MARCHF1: variants seen among roughly 807,000 people sequenced by gnomAD.
MARCHF1 encodes membrane associated ring-CH-type finger 1, also known as E3 ubiquitin-protein ligase MARCHF1.
MARCHF1 carries 40 observed loss-of-function variants against 54.2 expected under a neutral mutation model. That is an observed-to-expected ratio of 0.74 (90% CI 0.57 to 0.96). The LOEUF (loss-of-function observed/expected upper bound fraction) is 0.96, where lower values mean the gene tolerates loss of function less well. Among genes scored for constraint, MARCHF1 ranks in the 40% least tolerant of loss-of-function variants. The pLI is 0.00. For missense variants in MARCHF1, 586 were observed against 656.5 expected (o/e 0.89, Z 1.17); for synonymous variants, 236 against 236.3 (o/e 1.00, Z 0.01).
At chr4:164,134,983 C>G (rs1325176986) in intron 1 of MARCHF1, among the ~76,000 whole-genome samples, 1 of 152,134 alleles carries the variant, frequency 6.6e-6, no homozygotes. Context: ...ATGATACTTC[C>G]TTCACATTTT....
chr4:164,242,147 G>C (rs2111213498), intron 1 of MARCHF1, among the ~76,000 whole-genome samples: 1 of 151,670 alleles, frequency 6.6e-6, no homozygotes, highest in African/African-American at 2.4e-5. Flanking sequence ...AGGCCTGCCT[G>C]CCTCTGTAGG....
intron 2 of MARCHF1, among the ~76,000 whole-genome samples, chr4:164,096,945 G>T (rs1755427870): frequency 6.6e-6 from 1 of 152,058 alleles, no homozygotes. Flanking sequence ...AGCCTTTACA[G>T]CAAGGAGGAA....
In MARCHF1 at chr4:164,034,076, TAG is replaced by T. The variant is rs1560871911; in HGVS notation, c.-247-45369_-247-45368del. On this transcript the variant is annotated intron_variant, in intron 2 of 9. Transcript: ENST00000514618. ...AAAGAAAATGTGATAGACAGATAGA[TAG>T]ATAGATAGATAGATAGATAGATAGA... Among the ~76,000 whole-genome samples the T allele has an allele frequency of 2.7e-3, 165 of 60,658 alleles. 1 individual carries two copies. Among genetic ancestry groups the T allele is most frequent in the African/African-American group, 0.015 (162 of 10,748 alleles). The allele number at this position is 60,658 out of a possible 152,430, so 39.8% of individuals were successfully genotyped here.
intron 1 of MARCHF1, among the ~76,000 whole-genome samples, chr4:164,143,477 G>T (rs1314457018): frequency 2.7e-5 from 4 of 150,874 alleles, no homozygotes; most frequent in Non-Finnish European, 5.9e-5. Context: ...AGATCTCTCG[G>T]CAGAAACTCT....
intron 8 of MARCHF1, among the ~76,000 whole-genome samples, chr4:163,576,229 A>G (rs955366905): frequency 6.6e-6 from 1 of 151,868 alleles, no homozygotes; most frequent in East Asian, 1.9e-4. Flanking sequence ...AGAGATCAAG[A>G]TATTTTGTGT....
At chr4:163,537,778 T>G (rs1311145177) in intron 9 of MARCHF1, among the ~76,000 whole-genome samples, 3 of 152,356 alleles carry the variant, frequency 2.0e-5, no homozygotes, top group Non-Finnish European at 4.4e-5. Flanking sequence ...TTTAATTGAT[T>G]CATTCACATT....
At chr4:163,666,544 T>C (rs373450096) in intron 5 of MARCHF1, among the ~76,000 whole-genome samples, 12 of 152,254 alleles carry the variant, frequency 7.9e-5, no homozygotes, top group African/African-American at 1.7e-4. Context: ...TCCATAAATA[T>C]AAAACAACCA....
At chr4:163,897,237 T>C (rs1414693837) in intron 3 of MARCHF1, among the ~76,000 whole-genome samples, 1 of 152,194 alleles carries the variant, frequency 6.6e-6, no homozygotes, top group East Asian at 1.9e-4. Context: ...ACCTCAAATA[T>C]CTGATGTCAA....
At chr4:164,199,681 C>CAG (rs70952609) in intron 1 of MARCHF1, among the ~76,000 whole-genome samples, 786 of 47,606 alleles carry the variant, frequency 0.017, 13 homozygotes, top group East Asian at 0.04. Context: ...CACACACACA[C>CAG]AGAGAGAGAG....
intron 3 of MARCHF1, among the ~76,000 whole-genome samples, chr4:163,891,622 C>G (rs1403743944): frequency 6.6e-6 from 1 of 152,076 alleles, no homozygotes; most frequent in Non-Finnish European, 1.5e-5. Flanking sequence ...TGATGCATTC[C>G]CATCATAGAC....
At chr4:164,052,381 A>C (rs1754392371) in intron 2 of MARCHF1, among the ~76,000 whole-genome samples, 1 of 152,018 alleles carries the variant, frequency 6.6e-6, no homozygotes, top group Non-Finnish European at 1.5e-5. Flanking sequence ...AAAATACAAA[A>C]ATTAGCTGGG....
chr4:163,887,811 C>A (rs1161615835), intron 3 of MARCHF1, among the ~76,000 whole-genome samples: 1 of 152,074 alleles, frequency 6.6e-6, no homozygotes, highest in Non-Finnish European at 1.5e-5. Context: ...TAGTGAGACT[C>A]CAAATTTTAT....
chr4:164,215,758 A>C (rs1731913805), intron 1 of MARCHF1, among the ~76,000 whole-genome samples: 1 of 152,230 alleles, frequency 6.6e-6, no homozygotes, highest in Non-Finnish European at 1.5e-5. Context: ...GCACAAGGAC[A>C]AAAGCCAAGC....
intron 1 of MARCHF1, chr4:164,188,452 G>T: frequency 3.1e-6 from 2 of 637,546 alleles, no homozygotes; most frequent in Non-Finnish European, 2.9e-6. Flanking sequence ...ACAAGGAGGA[G>T]GACGTGGGCA....
rs114346838 is a variant in MARCHF1 at position 164,020,905 on chromosome 4, T to G, written c.-247-32196A>C. 3.2e-3 allele frequency among the ~76,000 whole-genome samples: 484 copies of G among 152,320 alleles called. 3 individuals are homozygous for G. The highest frequency in any genetic ancestry group is 0.011 in the African/African-American group (467 of 41,582). On this transcript the variant is annotated intron_variant, in intron 2 of 9. Transcript: ENST00000514618. The stretch of plus-strand genomic sequence containing the variant: ...GTGATAGTGCTACTGCACTCCAGCC[T>G]GGGTGATAAAGACCATAGTGACTAC...
At chr4:163,692,051 G>A (rs1744474664) in intron 5 of MARCHF1, among the ~76,000 whole-genome samples, 1 of 152,196 alleles carries the variant, frequency 6.6e-6, no homozygotes, top group Non-Finnish European at 1.5e-5. Flanking sequence ...GGATCAGGAA[G>A]CTTGTGTGTA....
chr4:164,226,531 T>C (rs1444854056), intron 1 of MARCHF1, among the ~76,000 whole-genome samples: 2 of 151,604 alleles, frequency 1.3e-5, no homozygotes, highest in South Asian at 2.1e-4. Context: ...TGGGAGAAAA[T>C]AGATACAACA....
chr4:163,949,392 C>G (rs538804827), intron 3 of MARCHF1, among the ~76,000 whole-genome samples: 1 of 152,132 alleles, frequency 6.6e-6, no homozygotes, highest in Non-Finnish European at 1.5e-5. Context: ...AGCCCTGGCT[C>G]GTGAAGCTCT....
chr4:164,216,070 T>C (rs1183386448), intron 1 of MARCHF1, among the ~76,000 whole-genome samples: 1 of 152,214 alleles, frequency 6.6e-6, no homozygotes, highest in African/African-American at 2.4e-5. Flanking sequence ...GTCAGAGACA[T>C]AGGAAATGTT....
Sources: allele counts gnomAD v4.1 joint callset (sites outside exome capture counted in the v4.1 genomes callset), GRCh38; gene constraint gnomAD v4.1.1; transcripts MANE v1.5; gene names NCBI Gene and HGNC (gene_info 2026-07-23, HGNC 2026-07-21).